PLD1: variants seen among roughly 807,000 people sequenced by gnomAD.
PLD1 encodes the protein phospholipase D1, also known as choline phosphatase 1.
In PLD1, 112 loss-of-function variants were observed where a neutral mutation model predicts 137.1. The observed-to-expected ratio is 0.82, with a 90% CI of 0.70 to 0.96. The LOEUF (loss-of-function observed/expected upper bound fraction) is 0.96, where lower values mean the gene tolerates loss of function less well. Among genes scored for constraint, PLD1 ranks in the 40% least tolerant of loss-of-function variants. PLD1 has a pLI of 0.00. For synonymous variants in PLD1, 431 were observed against 454.7 expected, an observed-to-expected ratio of 0.95 and a Z score of 0.66; for missense variants, 1,321 against 1,342.0, an observed-to-expected ratio of 0.98 and a Z score of 0.24.
At chr3:171,805,693 G>A (rs1723815738) in intron 1 of PLD1, among the ~76,000 whole-genome samples, 1 of 152,168 alleles carries the variant, frequency 6.6e-6, no homozygotes, top group Non-Finnish European at 1.5e-5. Flanking sequence ...TTATGTCAAA[G>A]AACAAGGACG....
At chr3:171,638,051 G>A (rs1735288456) in intron 23 of PLD1, among the ~76,000 whole-genome samples, 3 of 152,050 alleles carry the variant, frequency 2.0e-5, no homozygotes, top group Admixed American at 1.3e-4. Context: ...CAGGTGCGGC[G>A]ATGGGCGCCT....
chr3:171,734,911 CG>C lies in PLD1; in HGVS notation c.493del (p.Arg165ValfsTer6). The C allele has an allele frequency of 1.2e-6, 2 of 1,613,258 alleles. No homozygotes were observed. The highest frequency in any genetic ancestry group is 2.7e-5 in the African/African-American group (2 of 74,992). ...EEPREMPSLPRSSENMIREEQ... is the reference protein window; with the variant it reads ...EEPREMPSLPXSSENMIREEQ... The stretch of plus-strand genomic sequence containing the variant: ...TTCTCTTATCATGTTTTCAGATGAA[CG>C]GGGCAAACTGGGCATCTCTCGAGGC... On this transcript the variant is annotated frameshift_variant, in exon 5 of 27. Transcript: ENST00000351298. LOFTEE classifies it high-confidence loss of function.
intron 8 of PLD1, among the ~76,000 whole-genome samples, chr3:171,718,922 T>C (rs995722321): frequency 6.6e-6 from 1 of 152,066 alleles, no homozygotes; most frequent in East Asian, 1.9e-4. Context: ...TTCTAAACCA[T>C]GTGAGATTAC....
intron 14 of PLD1, 68 bp downstream of exon 14, chr3:171,688,608 G>T: frequency 1.7e-6 from 2 of 1,165,512 alleles, no homozygotes; most frequent in African/African-American, 1.5e-5. Flanking sequence ...AATCAGTCAT[G>T]CTACTAATAC....
chr3:171,688,080 G>T (rs1385895510), intron 14 of PLD1, among the ~76,000 whole-genome samples: 1 of 151,830 alleles, frequency 6.6e-6, no homozygotes, highest in African/African-American at 2.4e-5. Flanking sequence ...GAAATAGCAA[G>T]CAGATTGATA....
chr3:171,609,440 G>A (rs527797163), intron 25 of PLD1, among the ~76,000 whole-genome samples: 214 of 150,962 alleles, frequency 1.4e-3, no homozygotes, highest in African/African-American at 5.0e-3. Context: ...GTTTATCACA[G>A]CACTATTCAC....
At chr3:171,707,027 G>A (rs1418423730) in intron 11 of PLD1, among the ~76,000 whole-genome samples, 1 of 152,194 alleles carries the variant, frequency 6.6e-6, no homozygotes, top group Non-Finnish European at 1.5e-5. Flanking sequence ...CAACATGGAT[G>A]GAGCTGGAGG....
At chr3:171,673,633 A>C (rs1713025809) in intron 19 of PLD1, among the ~76,000 whole-genome samples, 1 of 152,158 alleles carries the variant, frequency 6.6e-6, no homozygotes, top group Non-Finnish European at 1.5e-5. Flanking sequence ...TTATATACAC[A>C]TACCTCCAAT....
At chr3:171,671,039 A>C (rs1285307421) in intron 19 of PLD1, among the ~76,000 whole-genome samples, 1 of 152,194 alleles carries the variant, frequency 6.6e-6, no homozygotes, top group East Asian at 1.9e-4. Flanking sequence ...ATTCATACCA[A>C]ACATAAGTCT....
chr3:171,795,615 C>A (rs1371624486), intron 1 of PLD1, among the ~76,000 whole-genome samples: 1 of 152,194 alleles, frequency 6.6e-6, no homozygotes, highest in African/African-American at 2.4e-5. Context: ...GGAGAAATGG[C>A]CCTCTGAAAC....
intron 1 of PLD1, among the ~76,000 whole-genome samples, chr3:171,755,515 C>T (rs1295939306): frequency 3.3e-5 from 5 of 152,186 alleles, no homozygotes; most frequent in Non-Finnish European, 5.9e-5. Context: ...GAGATGAAGT[C>T]TTCTTTGATG....
intron 26 of PLD1, among the ~76,000 whole-genome samples, chr3:171,604,712 T>C (rs922901508): frequency 2.5e-4 from 38 of 152,240 alleles, no homozygotes; most frequent in African/African-American, 8.7e-4. Flanking sequence ...TAAAACACCT[T>C]TCTAAAACTA....
At chr3:171,694,870 C>T (rs571146918) in intron 12 of PLD1, among the ~76,000 whole-genome samples, 71 of 152,304 alleles carry the variant, frequency 4.7e-4, no homozygotes, top group Non-Finnish European at 9.1e-4. Context: ...TTCTTCTATA[C>T]TGTCTTTTCT....
intron 1 of PLD1, among the ~76,000 whole-genome samples, chr3:171,798,816 C>T (rs1723528565): frequency 6.6e-6 from 1 of 152,200 alleles, no homozygotes; most frequent in Non-Finnish European, 1.5e-5. Context: ...AAGCCACACA[C>T]AGGCCCAAAA....
intron 24 of PLD1, among the ~76,000 whole-genome samples, chr3:171,618,384 G>A (rs1733295149): frequency 6.6e-6 from 1 of 152,204 alleles, no homozygotes; most frequent in Non-Finnish European, 1.5e-5. Flanking sequence ...GAGGCTGAAA[G>A]TCAAAATGAC....
intron 1 of PLD1, among the ~76,000 whole-genome samples, chr3:171,748,236 TAAGTTTATTACGTGTAA>T (rs1720397207): frequency 6.6e-6 from 1 of 152,220 alleles, no homozygotes; most frequent in African/African-American, 2.4e-5. Context: ...AGCCTGTTAA[TAAGTTTATTACGTGTAA>T]GTCAGACTTT....
intron 23 of PLD1, among the ~76,000 whole-genome samples, chr3:171,641,040 C>T (rs1372870588): frequency 2.6e-5 from 4 of 152,120 alleles, no homozygotes; most frequent in African/African-American, 9.7e-5. Flanking sequence ...AAGGGAAGTG[C>T]CAGACAGGTC....
chr3:171,697,405 C>T lies in PLD1; in HGVS notation c.1227+2340G>A, dbSNP rs957291995. Reference sequence around the variant, plus strand: ...GACTATAGGCGCCCGCCACCATGCCCGGCTAATTGTTTTGTATTTTTAGTA... The same window carrying T: ...GACTATAGGCGCCCGCCACCATGCCTGGCTAATTGTTTTGTATTTTTAGTA... On this transcript the variant is annotated intron_variant, in intron 12 of 26. Transcript: ENST00000351298. 2.6e-5 allele frequency among the ~76,000 whole-genome samples: 4 copies of T among 151,914 alleles called. No individual in the cohort carries two copies. In the East Asian group the frequency reaches 7.7e-4, roughly 29 times the overall value.
chr3:171,804,625 A>G (rs6445029), intron 1 of PLD1, among the ~76,000 whole-genome samples: 52,038 of 152,132 alleles, frequency 0.34, 9,320 homozygotes, highest in Middle Eastern at 0.52. Context: ...ATCACACTAC[A>G]TATAAAATCC....
Sources: allele counts gnomAD v4.1 joint callset (sites outside exome capture counted in the v4.1 genomes callset), GRCh38; gene constraint gnomAD v4.1.1; transcripts MANE v1.5; gene names NCBI Gene and HGNC (gene_info 2026-07-23, HGNC 2026-07-21).